Variants in AGPAT2 observed in about 807,000 individuals in gnomAD.
The protein encoded by AGPAT2 is 1-acyl-sn-glycerol-3-phosphate acyltransferase beta.
AGPAT2 carries 18 observed loss-of-function variants against 26.1 expected under a neutral mutation model. That is an observed-to-expected ratio of 0.69 (90% CI 0.48 to 1.02). The LOEUF (loss-of-function observed/expected upper bound fraction) is 1.02, where lower values mean the gene tolerates loss of function less well. Among genes scored for constraint, AGPAT2 ranks in the 50% least tolerant of loss-of-function variants. The probability of loss-of-function intolerance (pLI) is 0.00; values close to 1 mark genes in which losing one functional copy is unlikely to be tolerated. For synonymous variants in AGPAT2, 200 were observed against 174.2 expected, an observed-to-expected ratio of 1.15 and a Z score of -1.16; for missense variants, 415 against 394.9, an observed-to-expected ratio of 1.05 and a Z score of -0.43.
chr9:136,680,733 G>C (rs1846148615), intron 1 of AGPAT2, among the ~76,000 whole-genome samples: 1 of 151,798 alleles, frequency 6.6e-6, no homozygotes, highest in South Asian at 2.1e-4. Context: ...GCAGTGGCGA[G>C]ATCTCAGCTC....
Position 136,674,730 on chromosome 9 carries a change from G to T in AGPAT2, c.661+5C>A. The T allele has an allele frequency of 6.7e-7, 1 of 1,485,084 alleles. No homozygotes were observed. Among genetic ancestry groups the T allele is most frequent in the South Asian group, 1.4e-5 (1 of 71,566 alleles). The allele number at this position is 1,485,084 out of a possible 1,614,324, so 92.0% of individuals were successfully genotyped here. On this transcript the variant is annotated splice_donor_5th_base_variant and intron_variant, in intron 5 of 5. Transcript: ENST00000371696. ...TACACCCCGGGTGCACACATGTGGG[G>T]GTACCTGAAGTGAAGAACTTCTTCT...
At chr9:136,673,972 G>A (rs1205608050) in intron 5 of AGPAT2, 45 bp from the exon 6 acceptor site, 1 of 1,445,070 alleles carries the variant, frequency 6.9e-7, no homozygotes, top group Non-Finnish European at 9.2e-7. Context: ...GGGAGCTGGG[G>A]CCCACCTCAG....
At chr9:136,679,601 C>T (rs927283006) in intron 1 of AGPAT2, among the ~76,000 whole-genome samples, 7 of 152,296 alleles carry the variant, frequency 4.6e-5, no homozygotes, top group South Asian at 2.1e-4. Context: ...ACCCCTGTGA[C>T]GCTCCAAGAA....
At chr9:136,680,960 G>C (rs997764117) in intron 1 of AGPAT2, among the ~76,000 whole-genome samples, 2 of 152,046 alleles carry the variant, frequency 1.3e-5, no homozygotes, top group African/African-American at 4.8e-5. Flanking sequence ...CCAGCGCGCC[G>C]AGCCCTCCTC....
At position 136,687,419 on chromosome 9, in the gene AGPAT2, C is replaced by T. The variant is rs566958496; in HGVS notation, c.-62G>A. On this transcript the variant is annotated 5_prime_UTR_variant, in exon 1 of 6. Coordinates refer to ENST00000371696, the MANE Select transcript of AGPAT2 (RefSeq NM_006412.4). ...TCCCGCTCCCGCTCCCGCTTCTCCC[C>T]CGCGCGCTCAGGCCCCTTATTGCGA... is the stretch of plus-strand genomic sequence containing the variant. The T allele has an allele frequency of 1.9e-4, 250 of 1,350,530 alleles. 2 individuals are homozygous for T. The East Asian group carries it at 4.0e-3, about 21-fold the overall frequency. 83.7% of individuals were successfully genotyped at this position (1,350,530 alleles called of 1,614,324 possible). A position where few individuals can be genotyped will look rare whatever the true frequency, so the allele number is the denominator to read the frequency against.
intron 1 of AGPAT2, 65 bp downstream of exon 1, chr9:136,687,111 G>T (rs774319950): frequency 8.5e-5 from 128 of 1,502,734 alleles, no homozygotes; most frequent in Non-Finnish European, 1.1e-4. Flanking sequence ...AAGCCCAGAA[G>T]AAAGTTAGGG....
At chr9:136,677,267 C>G (rs1188666391) in intron 2 of AGPAT2, 131 bp from the exon 3 acceptor site, 1 of 1,496,474 alleles carries the variant, frequency 6.7e-7, no homozygotes, top group Middle Eastern at 2.1e-4. Flanking sequence ...CGTGTGGCCT[C>G]CGAGCCTCTG....
intron 2 of AGPAT2, 61 bp from the exon 3 acceptor site, chr9:136,677,197 C>G: frequency 6.3e-7 from 1 of 1,590,202 alleles, no homozygotes; most frequent in Non-Finnish European, 8.6e-7. Flanking sequence ...TGGAAGACAG[C>G]TGCTGAGCAC....
chr9:136,678,547 A>G lies in AGPAT2; in HGVS notation c.183-991T>C, dbSNP rs193201880. The stretch of plus-strand genomic sequence containing the variant: ...TGGATGGCCGGGGCAAGGCTGTGCC[A>G]GCGCTGACTGGGGGGCTGCCAGTGC... On this transcript the variant is annotated intron_variant, in intron 1 of 5. Transcript: ENST00000371696. 3.3e-4 allele frequency among the ~76,000 whole-genome samples: 50 copies of G among 152,236 alleles called. No individual in the cohort carries two copies. In the East Asian group the frequency reaches 9.1e-3, roughly 28 times the overall value.
chr9:136,677,364 A>G (rs1268786505), intron 2 of AGPAT2, 59 bp downstream of exon 2: 1 of 1,611,384 alleles, frequency 6.2e-7, no homozygotes, highest in African/African-American at 1.3e-5. Flanking sequence ...AGCCCCACAC[A>G]GCCCCAGCTC....
chr9:136,677,395 C>A, intron 2 of AGPAT2, 28 bp downstream of exon 2: 1 of 1,612,916 alleles, frequency 6.2e-7, no homozygotes. Context: ...ACTCAAACCC[C>A]AGAAGCCACC....
intron 1 of AGPAT2, 38 bp downstream of exon 1, chr9:136,687,138 G>C: frequency 6.4e-7 from 1 of 1,559,252 alleles, no homozygotes; most frequent in South Asian, 1.2e-5. Context: ...AAGCGGCGCG[G>C]CGGTTCCCCG....
chr9:136,676,907 T>TGGCCCCGCCC, intron 3 of AGPAT2, 54 bp downstream of exon 3: 1 of 1,533,506 alleles, frequency 6.5e-7, no homozygotes, highest in East Asian at 2.3e-5. Flanking sequence ...GGCCCCTGCC[T>TGGCCCCGCCC]GGCCCCGCCC....
Position 136,680,680 on chromosome 9 carries a change from TA to T in AGPAT2, c.183-3125del, listed in dbSNP as rs555735172. Among the ~76,000 whole-genome samples, 3 of 151,674 alleles carry T rather than the reference TA, an allele frequency of 2.0e-5. No homozygotes were observed. In the East Asian group the frequency reaches 5.8e-4, roughly 29 times the overall value. The stretch of plus-strand genomic sequence containing the variant: ...AAAAATAAGATCTTCATTTATTTTT[TA>T]TTTTTTTTGAGACGGAGTCTTGCTG... On this transcript the variant is annotated intron_variant, in intron 1 of 5. Transcript: ENST00000371696.
chr9:136,674,074 G>T, intron 5 of AGPAT2, 147 bp from the exon 6 acceptor site: 2 of 757,196 alleles, frequency 2.6e-6, no homozygotes, highest in Non-Finnish European at 3.9e-6. Context: ...CCCTAGCCGT[G>T]GTGGGTTATT....
intron 5 of AGPAT2, 98 bp from the exon 6 acceptor site, chr9:136,674,025 C>G (rs1588261225): frequency 1.6e-6 from 2 of 1,251,366 alleles, no homozygotes; most frequent in East Asian, 5.9e-5. Context: ...CCCACAGCCC[C>G]TCCCTGGGAA....
intron 4 of AGPAT2, 66 bp from the exon 5 acceptor site, chr9:136,674,873 T>G (rs530493471): frequency 1.6e-6 from 2 of 1,245,774 alleles, no homozygotes; most frequent in Non-Finnish European, 2.1e-6. Context: ...CCAGGCTGCA[T>G]GTGGTTGGGG....
At chr9:136,678,080 T>C (rs1271314810) in intron 1 of AGPAT2, among the ~76,000 whole-genome samples, 1 of 151,808 alleles carries the variant, frequency 6.6e-6, no homozygotes, top group Non-Finnish European at 1.5e-5. Context: ...CTCCGAAAGG[T>C]TCTTCCAGAA....
chr9:136,683,515 G>T (rs1846187313), intron 1 of AGPAT2, among the ~76,000 whole-genome samples: 1 of 152,154 alleles, frequency 6.6e-6, no homozygotes, highest in South Asian at 2.1e-4. Flanking sequence ...GGGGCCACCG[G>T]GGACAGGGAC....
Sources: gnomAD v4.1 joint callset for allele counts (sites outside exome capture counted in the v4.1 genomes callset) on GRCh38, gnomAD v4.1.1 for gene constraint, MANE v1.5 for transcripts, NCBI Gene and HGNC (gene_info 2026-07-23, HGNC 2026-07-21) for gene names.